The following SLC67A2 variants were observed in gnomAD, a reference collection of about 807,000 sequenced individuals.
The protein encoded by SLC67A2 is solute carrier family 67 member A2.
chr2:102,724,045 A>G, the SLC67A2 span: 2 of 706,022 alleles, frequency 2.8e-6, no homozygotes, highest in East Asian at 2.7e-5. Flanking sequence ...GCTCACCACT[A>G]TACCACCACG....
chr2:102,736,562 C>T, the SLC67A2 span: 2 of 1,611,250 alleles, frequency 1.2e-6, no homozygotes, highest in East Asian at 2.2e-5. Context: ...TCCCTGGGAG[C>T]TCCCCGGAAG....
At chr2:102,732,673 A>C in the SLC67A2 span, among the ~76,000 whole-genome samples, 1 of 152,054 alleles carries the variant, frequency 6.6e-6, no homozygotes, top group African/African-American at 2.4e-5. Flanking sequence ...AAAACCCCAT[A>C]TTTTCTGTGG....
At chr2:102,718,655 T>C in the SLC67A2 span, 2 of 1,613,548 alleles carry the variant, frequency 1.2e-6, no homozygotes, top group Non-Finnish European at 1.7e-6. Flanking sequence ...CAGCTGGAGG[T>C]CCGTGATGCA....
the SLC67A2 span, among the ~76,000 whole-genome samples, chr2:102,719,676 C>CCT: frequency 2.0e-5 from 3 of 152,106 alleles, no homozygotes; most frequent in African/African-American, 7.2e-5. Flanking sequence ...ACAGAAAAGG[C>CCT]CTCTGAAAAC....
chr2:102,721,279 C>T, the SLC67A2 span, among the ~76,000 whole-genome samples: 3 of 152,154 alleles, frequency 2.0e-5, no homozygotes, highest in Non-Finnish European at 4.4e-5. Flanking sequence ...GATACCTGGT[C>T]ACATCAACGA....
chr2:102,733,542 T>C, the SLC67A2 span, among the ~76,000 whole-genome samples: 2 of 152,322 alleles, frequency 1.3e-5, no homozygotes, highest in South Asian at 4.1e-4. Context: ...TAAAATTACA[T>C]TACCAGAGTG....
At chr2:102,733,865 A>G in the SLC67A2 span, among the ~76,000 whole-genome samples, 1 of 152,202 alleles carries the variant, frequency 6.6e-6, no homozygotes, top group South Asian at 2.1e-4. Context: ...GGTAAGTATG[A>G]AAATACAGAC....
At chr2:102,724,279 C>T in the SLC67A2 span, among the ~76,000 whole-genome samples, 1 of 152,170 alleles carries the variant, frequency 6.6e-6, no homozygotes, top group African/African-American at 2.4e-5. Context: ...ACTCTTTACA[C>T]ATTAACTCAT....
At chr2:102,731,471 C>T in the SLC67A2 span, among the ~76,000 whole-genome samples, 7 of 152,132 alleles carry the variant, frequency 4.6e-5, no homozygotes, top group South Asian at 1.5e-3. Context: ...TTAACATTGT[C>T]TCTTATATTT....
the SLC67A2 span, among the ~76,000 whole-genome samples, chr2:102,725,894 C>T: frequency 6.6e-6 from 1 of 152,070 alleles, no homozygotes; most frequent in Admixed American, 6.5e-5. Context: ...AGATGGTGCC[C>T]AATGCCCCTG....
At chr2:102,726,887 C>G in the SLC67A2 span, 2 of 1,611,996 alleles carry the variant, frequency 1.2e-6, no homozygotes, top group African/African-American at 2.7e-5. Flanking sequence ...ACATTGGTGG[C>G]TGCTCCGAGA....
chr2:102,730,881 T>G, the SLC67A2 span: 7 of 753,980 alleles, frequency 9.3e-6, no homozygotes, highest in Non-Finnish European at 1.5e-5. Context: ...TTACATTCTT[T>G]TTGTCTGTAA....
chr2:102,718,275 A>G, the SLC67A2 span: 1 of 916,740 alleles, frequency 1.1e-6, no homozygotes. Context: ...CATGGCCAAG[A>G]GCTGACCTGG....
chr2:102,725,306 G>C, the SLC67A2 span, among the ~76,000 whole-genome samples: 1 of 152,312 alleles, frequency 6.6e-6, no homozygotes, highest in East Asian at 1.9e-4. Flanking sequence ...ACATGGGCAA[G>C]GAGGAGTTTT....
the SLC67A2 span, among the ~76,000 whole-genome samples, chr2:102,721,845 C>A: frequency 6.6e-6 from 1 of 152,128 alleles, no homozygotes; most frequent in Non-Finnish European, 1.5e-5. Context: ...TCTGGGACTA[C>A]AGGTATGTGT....
At chr2:102,734,985 T>C in the SLC67A2 span, among the ~76,000 whole-genome samples, 35 of 152,336 alleles carry the variant, frequency 2.3e-4, no homozygotes, top group Middle Eastern at 0.014. Flanking sequence ...AATGTTTTCA[T>C]CTGGCTGAAC....
At chr2:102,721,936 G>A in the SLC67A2 span, among the ~76,000 whole-genome samples, 5 of 152,120 alleles carry the variant, frequency 3.3e-5, no homozygotes, top group Non-Finnish European at 5.9e-5. Context: ...GAACTCCTGG[G>A]CTCAAGCAAT....
At chr2:102,726,971 A>G in the SLC67A2 span, 1 of 1,612,834 alleles carries the variant, frequency 6.2e-7, no homozygotes, top group South Asian at 1.1e-5. Flanking sequence ...TCGCTCCAGC[A>G]GCCCTGAGGA....
the SLC67A2 span, among the ~76,000 whole-genome samples, chr2:102,728,002 C>T: frequency 2.0e-5 from 3 of 152,210 alleles, no homozygotes; most frequent in South Asian, 6.2e-4. Flanking sequence ...TGGGAAGCCT[C>T]AGAAACCTGC....
Sources: gnomAD v4.1 joint callset for allele counts (sites outside exome capture counted in the v4.1 genomes callset) on GRCh38, gnomAD v4.1.1 for gene constraint, MANE v1.5 for transcripts, NCBI Gene and HGNC (gene_info 2026-07-23, HGNC 2026-07-21) for gene names.